The following MYL3 variants were observed in gnomAD, a reference collection of about 807,000 sequenced individuals.
The protein encoded by MYL3 is myosin light chain 3, also known as CMLC1.
MYL3 carries 11 observed loss-of-function variants against 21.3 expected under a neutral mutation model. The observed-to-expected ratio is 0.52, with a 90% CI of 0.32 to 0.85. The LOEUF (loss-of-function observed/expected upper bound fraction) is 0.85. Among genes scored for constraint, MYL3 ranks in the 40% least tolerant of loss-of-function variants. The pLI, the probability that MYL3 is intolerant of heterozygous loss-of-function variation, is 0.03. For synonymous variants in MYL3, 88 were observed against 91.6 expected, an observed-to-expected ratio of 0.96 and a Z score of 0.22; for missense variants, 206 against 253.3, an observed-to-expected ratio of 0.81 and a Z score of 1.27.
intron 1 of MYL3, among the ~76,000 whole-genome samples, chr3:46,875,324 T>C (rs906867218): frequency 3.3e-5 from 5 of 152,088 alleles, no homozygotes; most frequent in Admixed American, 3.3e-4. Context: ...GCTGAACAGA[T>C]GAGGAACAGA....
In MYL3 at chr3:46,859,345, G is replaced by A. The variant is rs1223831176; in HGVS notation, c.481+130C>T. The A allele has an allele frequency of 1.7e-6, 2 of 1,182,428 alleles. No homozygotes were observed. The highest frequency in any genetic ancestry group is 2.5e-6 in the Non-Finnish European group (2 of 811,498). 73.2% of individuals were successfully genotyped at this position (1,182,428 alleles called of 1,614,324 possible). Reference sequence around the variant, plus strand: ...CTCCTAAGTAACATTTCTGTTGTCTGCCATTGAGGCTCCCTAATTATGTAA... The same window carrying A: ...CTCCTAAGTAACATTTCTGTTGTCTACCATTGAGGCTCCCTAATTATGTAA... On this transcript the variant is annotated intron_variant, in intron 4 of 6. Coordinates refer to ENST00000292327, the MANE Select transcript of MYL3 (RefSeq NM_000258.3). The surrounding 1 kb of genome is among the most constrained non-coding windows in gnomAD (Gnocchi z 4.1).
chr3:46,868,978 G>A (rs1488883415), intron 1 of MYL3, among the ~76,000 whole-genome samples: 1 of 152,150 alleles, frequency 6.6e-6, no homozygotes, highest in Non-Finnish European at 1.5e-5. Context: ...GATGGGAGGA[G>A]GGGGTGCCAA....
chr3:46,878,366 G>A (rs1029569688), intron 1 of MYL3, among the ~76,000 whole-genome samples: 1 of 152,066 alleles, frequency 6.6e-6, no homozygotes, highest in African/African-American at 2.4e-5. Context: ...GCCGAGAGAG[G>A]TCTGGGGTTG....
At position 46,860,596 on chromosome 3, in the gene MYL3, A is replaced by G. The variant is rs1426187756; in HGVS notation, c.307+80T>C. Reference sequence around the variant, plus strand: ...AGATGTCAGGAAAGATTCTCGTGCTATCCCGCAGGATGGATGGCAGCCCAC... The same window carrying G: ...AGATGTCAGGAAAGATTCTCGTGCTGTCCCGCAGGATGGATGGCAGCCCAC... On this transcript the variant is annotated intron_variant, in intron 3 of 6. Coordinates refer to ENST00000292327, the MANE Select transcript of MYL3 (RefSeq NM_000258.3). This position sits in a 1 kb window ranked among gnomAD's most constrained non-coding sequence, Gnocchi z 4.6. 1.9e-6 allele frequency: 3 copies of G among 1,583,128 alleles called. No homozygotes were observed. The highest frequency in any genetic ancestry group is 1.7e-6 in the Non-Finnish European group (2 of 1,166,496).
At chr3:46,864,916 G>A (rs535561755), upstream of MYL3, among the ~76,000 whole-genome samples, 3 of 152,260 alleles carry the variant, frequency 2.0e-5, no homozygotes, top group Admixed American at 6.5e-5. This position sits in a 1 kb window ranked among gnomAD's most constrained non-coding sequence, Gnocchi z 4.7. Flanking sequence ...GGGACATCTT[G>A]TAAACACATT....
intron 1 of MYL3, among the ~76,000 whole-genome samples, chr3:46,862,649 T>C (rs1702005038): frequency 1.3e-5 from 2 of 151,998 alleles, no homozygotes; most frequent in Non-Finnish European, 2.9e-5. Context: ...GACTTTGCAG[T>C]TGGGGAAGGG....
intron 1 of MYL3, among the ~76,000 whole-genome samples, chr3:46,880,852 G>A (rs1349270933): frequency 1.3e-5 from 2 of 152,230 alleles, no homozygotes; most frequent in Non-Finnish European, 2.9e-5. Flanking sequence ...AAGGGTGGCT[G>A]CAGCTGGATC....
upstream of MYL3, chr3:46,863,534 TAAA>T: frequency 7.0e-6 from 6 of 861,294 alleles, no homozygotes; most frequent in Non-Finnish European, 1.1e-5. Flanking sequence ...GACAGGGCCA[TAAA>T]AGGATATGGC....
intron 1 of MYL3, among the ~76,000 whole-genome samples, chr3:46,871,414 C>T (rs1371032089): frequency 1.3e-5 from 2 of 152,138 alleles, no homozygotes; most frequent in Non-Finnish European, 2.9e-5. Flanking sequence ...CGAGCTTCAG[C>T]ATCTGTGTTG....
Position 46,860,698 on chromosome 3 carries a change from G to A in MYL3, c.285C>T (p.Val95=), listed in dbSNP as rs1359444837. 1.2e-6 allele frequency: 2 copies of A among 1,614,064 alleles called. No homozygotes were observed. The highest frequency in any genetic ancestry group is 1.7e-6 in the Non-Finnish European group (2 of 1,180,022). ...QNPTQAEVLR[V]LGKPRQEELN... ...TACCTTCCTGTCTTGGCTTCCCCAG[G>A]ACACGGAGCACTTCTGCCTGTGTGG... Residue 95 remains valine, a synonymous_variant, in exon 3 of 7, where the codon GTC becomes GTT. Coordinates refer to ENST00000292327, the MANE Select transcript of MYL3 (RefSeq NM_000258.3). This position sits in a 1 kb window ranked among gnomAD's most constrained non-coding sequence, Gnocchi z 4.6.
In MYL3 at chr3:46,861,078, A is replaced by G. The variant is rs975702480; in HGVS notation, c.130-91T>C. 1.4e-5 allele frequency: 20 copies of G among 1,453,748 alleles called. No homozygotes were observed. The highest frequency in any genetic ancestry group is 3.5e-4 in the Middle Eastern group (2 of 5,774). The allele number at this position is 1,453,748 out of a possible 1,614,324, so 90.1% of individuals were successfully genotyped here. ...ACTCGGTGGCCAGCCCAGAATGTCA[A>G]CTGTCTCAGCCTGTCCCATTCCAGC... On this transcript the variant is annotated intron_variant, in intron 1 of 6. Coordinates refer to ENST00000292327, the MANE Select transcript of MYL3 (RefSeq NM_000258.3). The surrounding 1 kb of genome is among the most constrained non-coding windows in gnomAD (Gnocchi z 4.2).
chr3:46,863,173 C>T (rs1027490985), intron 1 of MYL3, 89 bp downstream of exon 1: 1 of 1,591,822 alleles, frequency 6.3e-7, no homozygotes, highest in Non-Finnish European at 8.6e-7. Flanking sequence ...GTGCTCACCT[C>T]CAGAGCCTGA....
At position 46,871,290 on chromosome 3, in the gene MYL3, T is replaced by C. The variant is rs1447453341; in HGVS notation, c.-217-4690A>G. On this transcript the variant is annotated intron_variant, in intron 1 of 3. Transcript: ENST00000431168. ...TGTGTGAACGTGTGTGTCTGGACAT[T>C]TGGGAGCTTTCCACTGCCTCCTCTC... Among the ~76,000 whole-genome samples, 3 of 152,070 alleles carry C rather than the reference T, an allele frequency of 2.0e-5. 1 individual carries two copies. In the East Asian group the frequency reaches 5.9e-4, roughly 30 times the overall value.
At position 46,859,243 on chromosome 3, in the gene MYL3, C is replaced by G. The variant is rs898936154; in HGVS notation, c.481+232G>C. Among the ~76,000 whole-genome samples, 3 of 152,162 alleles carry G rather than the reference C, an allele frequency of 2.0e-5. No individual in the cohort carries two copies. The highest frequency in any genetic ancestry group is 6.5e-5 in the Admixed American group (1 of 15,278). On this transcript the variant is annotated intron_variant, in intron 4 of 6. Transcript: ENST00000292327. The surrounding 1 kb of genome is among the most constrained non-coding windows in gnomAD (Gnocchi z 4.1). ...GGAGGGGAGCATATCAAGACGGCTC[C>G]TTCCTGCCCTGCTCTGTCCCCAGAG...
chr3:46,858,061 A>T lies in MYL3; in HGVS notation c.*54T>A, dbSNP rs1701948297. The T allele has an allele frequency of 4.0e-6, 3 of 756,680 alleles. No homozygotes were observed. In the Admixed American group the frequency reaches 6.3e-5, roughly 16 times the overall value. 46.9% of individuals were successfully genotyped at this position (756,680 alleles called of 1,614,324 possible). A position where few individuals can be genotyped will look rare whatever the true frequency, so the allele number is the denominator to read the frequency against. On this transcript the variant is annotated 3_prime_UTR_variant, in exon 7 of 7. Coordinates refer to ENST00000292327, the MANE Select transcript of MYL3 (RefSeq NM_000258.3). Reference sequence around the variant, plus strand: ...CAGGCCGCTGGTGTCAGCATCACACATGGGAGATGAGACGTCCCTGCACAG... The same window carrying T: ...CAGGCCGCTGGTGTCAGCATCACACTTGGGAGATGAGACGTCCCTGCACAG...
chr3:46,877,918 A>AG (rs781430959), intron 1 of MYL3: 2 of 152,258 alleles, frequency 1.3e-5, no homozygotes, highest in South Asian at 4.1e-4. Context: ...CCTGGGGGTG[A>AG]GTGTCTAAAT....
rs777261608 is a variant in MYL3 at position 46,861,039 on chromosome 3, A to T, written c.130-52T>A. ...TGCCCGGCTTAAAAGGTGGGGCCACACCTCCTCCTGGGCACTCGGTGGCCA... is the reference window on the plus strand; with the variant it reads ...TGCCCGGCTTAAAAGGTGGGGCCACTCCTCCTCCTGGGCACTCGGTGGCCA... On this transcript the variant is annotated intron_variant, in intron 1 of 6. Coordinates refer to ENST00000292327, the MANE Select transcript of MYL3 (RefSeq NM_000258.3). The surrounding 1 kb of genome is among the most constrained non-coding windows in gnomAD (Gnocchi z 4.2). 6.0e-5 allele frequency: 96 copies of T among 1,606,392 alleles called. No individual in the cohort carries two copies. Among genetic ancestry groups the T allele is most frequent in the Non-Finnish European group, 8.2e-5 (96 of 1,174,012 alleles).
In MYL3 at chr3:46,860,832, G is replaced by C. The variant is rs760558240; in HGVS notation, c.158-7C>G. The C allele has an allele frequency of 6.2e-7, 1 of 1,614,026 alleles. No individual in the cohort carries two copies. The highest frequency in any genetic ancestry group is 1.7e-5 in the Admixed American group (1 of 60,020). On this transcript the variant is annotated splice_region_variant and splice_polypyrimidine_tract_variant and intron_variant, in intron 2 of 6. Transcript: ENST00000292327. The surrounding 1 kb of genome is among the most constrained non-coding windows in gnomAD (Gnocchi z 4.6). ...ATGAAGGCTTCCTTGAACTCTGCCA[G>C]GAGAGGGCAGTGAGCCACAGACACT...
chr3:46,873,060 G>A (rs556117571), intron 1 of MYL3, among the ~76,000 whole-genome samples: 6 of 152,222 alleles, frequency 3.9e-5, no homozygotes, highest in Admixed American at 2.6e-4. Context: ...TCAAGGGCTC[G>A]CCGTCTATTG....
Sources: gnomAD v4.1 joint callset for allele counts (sites outside exome capture counted in the v4.1 genomes callset) on GRCh38, gnomAD v4.1.1 for gene constraint, Gnocchi (gnomAD v3.1) non-coding constraint, MANE v1.5 for transcripts, NCBI Gene and HGNC (gene_info 2026-07-23, HGNC 2026-07-21) for gene names.